DNMT3A: variants seen among roughly 807,000 people sequenced by gnomAD.
DNMT3A encodes the protein DNA methyltransferase 3 alpha.
Under a neutral mutation model 117.6 loss-of-function variants are expected in DNMT3A, and 267 were observed. The ratio of observed to expected loss-of-function variants is 2.27; its 90% confidence interval spans 2.05 to 2.51. The LOEUF (loss-of-function observed/expected upper bound fraction) is 2.51, where lower values mean the gene tolerates loss of function less well. Ranked by LOEUF, DNMT3A falls within the 30% of genes most tolerant of loss-of-function variation. The probability of loss-of-function intolerance (pLI) is 0.00; values close to 1 mark genes in which losing one functional copy is unlikely to be tolerated. For synonymous variants in DNMT3A, 432 were observed against 474.8 expected (o/e 0.91, Z 1.17); for missense variants, 1,029 against 1,260.2 (o/e 0.82, Z 2.78).
At chr2:25,262,854 G>C (rs1458750590) in intron 6 of DNMT3A, among the ~76,000 whole-genome samples, 1 of 152,128 alleles carries the variant, frequency 6.6e-6, no homozygotes, top group Non-Finnish European at 1.5e-5. Context: ...CTAGTTACCA[G>C]ATCTCTTACT....
chr2:25,313,990 C>A lies in DNMT3A; in HGVS notation c.-6G>T. Reference sequence around the variant, plus strand: ...CTGGAGGGCATGGCGGGCATCTGGGCGCCGGGAGGCAGGCTGGGGCTGCGC... The same window carrying A: ...CTGGAGGGCATGGCGGGCATCTGGGAGCCGGGAGGCAGGCTGGGGCTGCGC... On this transcript the variant is annotated 5_prime_UTR_variant, in exon 2 of 23. Transcript: ENST00000321117. 3 of 1,539,878 alleles carry A rather than the reference C, an allele frequency of 1.9e-6. No individual in the cohort carries two copies. The highest frequency in any genetic ancestry group is 2.6e-6 in the Non-Finnish European group (3 of 1,141,346).
At chr2:25,314,237 ACCTGG>A (rs1335520224) in intron 1 of DNMT3A, 76 bp from the exon 2 acceptor site, 21 of 1,358,570 alleles carry the variant, frequency 1.5e-5, no homozygotes, top group Middle Eastern at 2.7e-4. Context: ...CCAGGGCCAC[ACCTGG>A]CCTGTGAGGC....
At chr2:25,246,474 G>T in intron 10 of DNMT3A, 146 bp downstream of exon 10, 1 of 1,432,322 alleles carries the variant, frequency 7.0e-7, no homozygotes, top group Non-Finnish European at 9.4e-7. Context: ...TTCAAGTCCT[G>T]ACCCCAGGGC....
At chr2:25,299,051 G>A (rs955075837) in intron 3 of DNMT3A, among the ~76,000 whole-genome samples, 2 of 152,060 alleles carry the variant, frequency 1.3e-5, no homozygotes, top group Non-Finnish European at 2.9e-5. Context: ...TTGAAGGGCT[G>A]AGTAACAAAT....
chr2:25,305,708 GCA>G lies in DNMT3A; in HGVS notation c.73-5467_73-5466del, dbSNP rs372767375. Among the ~76,000 whole-genome samples the G allele has an allele frequency of 6.6e-6, 1 of 152,028 alleles. No individual in the cohort carries two copies. The highest frequency in any genetic ancestry group is 2.4e-5 in the African/African-American group (1 of 41,368). ...CCACTATACCCTACCATGTCAACAG[GCA>G]CACACACAGTGACACCATAAAGATA... On this transcript the variant is annotated intron_variant, in intron 2 of 22. Transcript: ENST00000321117. This position sits in a 1 kb window ranked among gnomAD's most constrained non-coding sequence, Gnocchi z 4.1.
intron 6 of DNMT3A, among the ~76,000 whole-genome samples, chr2:25,274,598 A>T (rs749967023): frequency 9.9e-5 from 15 of 152,096 alleles, no homozygotes; most frequent in Admixed American, 2.0e-4. Flanking sequence ...CTGAAATGCC[A>T]CCTCCTCCAA....
In DNMT3A at chr2:25,286,717, C is replaced by A. The variant is rs1339339526; in HGVS notation, c.178-4006G>T. Among the ~76,000 whole-genome samples the A allele has an allele frequency of 6.6e-6, 1 of 152,242 alleles. No homozygotes were observed. Among genetic ancestry groups the A allele is most frequent in the Non-Finnish European group, 1.5e-5 (1 of 68,046 alleles). On this transcript the variant is annotated intron_variant, in intron 3 of 22. Transcript: ENST00000321117. This position sits in a 1 kb window ranked among gnomAD's most constrained non-coding sequence, Gnocchi z 4.3. ...AAGGTCCCAGTCAAATGGCCTGAAG[C>A]AACTGTCCAAGTCTCTGGGGAAGAG...
At chr2:25,241,109 G>C (rs143258898) in intron 17 of DNMT3A, among the ~76,000 whole-genome samples, 149 of 152,300 alleles carry the variant, frequency 9.8e-4, no homozygotes, top group African/African-American at 3.4e-3. Context: ...CTGTAGTCAT[G>C]CTTAAGGGAA....
intron 12 of DNMT3A, 112 bp downstream of exon 12, chr2:25,245,908 G>A (rs959697410): frequency 5.3e-6 from 7 of 1,322,122 alleles, no homozygotes; most frequent in Middle Eastern, 2.6e-4. Context: ...AAGGTGGTGT[G>A]ACACGCAGGA....
chr2:25,288,210 G>A (rs1201697027), intron 3 of DNMT3A, among the ~76,000 whole-genome samples: 1 of 148,742 alleles, frequency 6.7e-6, no homozygotes, highest in Non-Finnish European at 1.5e-5. Flanking sequence ...TGAGGCGGGT[G>A]GATCATGAGG....
chr2:25,316,168 G>A (rs983564188), intron 1 of DNMT3A, among the ~76,000 whole-genome samples: 7 of 152,236 alleles, frequency 4.6e-5, no homozygotes, highest in Non-Finnish European at 7.3e-5. Flanking sequence ...GAAGCGGGGC[G>A]GGAGGGTTGT....
intron 6 of DNMT3A, among the ~76,000 whole-genome samples, chr2:25,264,132 G>GTTTTTTTTTGTTTTTT (rs2029960333): frequency 9.5e-5 from 7 of 73,740 alleles, no homozygotes; most frequent in Non-Finnish European, 1.2e-4. Context: ...CAACCCTTTG[G>GTTTTTTTTTGTTTTTT]TTTTTTTTTT....
chr2:25,266,035 G>A (rs1383654346), intron 6 of DNMT3A, among the ~76,000 whole-genome samples: 7 of 152,108 alleles, frequency 4.6e-5, no homozygotes, highest in Non-Finnish European at 7.4e-5. Context: ...AAAAAGTAGG[G>A]GTTGTTCTAA....
At chr2:25,284,900 C>T (rs2032185288) in intron 3 of DNMT3A, among the ~76,000 whole-genome samples, 1 of 152,022 alleles carries the variant, frequency 6.6e-6, no homozygotes, top group Admixed American at 6.6e-5. Context: ...GGGTATCATA[C>T]TAGTCGTAAT....
Position 25,241,548 on chromosome 2 carries a change from C to A in DNMT3A, c.2082+14G>T, listed in dbSNP as rs764997828. 11 of 1,608,354 alleles carry A rather than the reference C, an allele frequency of 6.8e-6. No homozygotes were observed. Among genetic ancestry groups the A allele is most frequent in the Non-Finnish European group, 9.3e-6 (11 of 1,177,500 alleles). ...GGAGGGGAAGACGGGCTGCGCCCCACAGCATGGACATACATGCTTCTGTGT... is the reference window on the plus strand; with the variant it reads ...GGAGGGGAAGACGGGCTGCGCCCCAAAGCATGGACATACATGCTTCTGTGT... On this transcript the variant is annotated intron_variant, in intron 17 of 22. Transcript: ENST00000321117.
intron 1 of DNMT3A, among the ~76,000 whole-genome samples, chr2:25,324,884 C>G (rs903590380): frequency 8.5e-5 from 13 of 152,200 alleles, no homozygotes; most frequent in African/African-American, 4.8e-5. Flanking sequence ...CCAAAAGCCA[C>G]TGGTGACAGG....
At chr2:25,264,714 C>T (rs574410424) in intron 6 of DNMT3A, among the ~76,000 whole-genome samples, 233 of 150,892 alleles carry the variant, frequency 1.5e-3, no homozygotes, top group Middle Eastern at 0.014. Flanking sequence ...CGCCTGCCTT[C>T]GCCTCCCAAA....
At chr2:25,288,604 C>T (rs2032505531) in intron 3 of DNMT3A, among the ~76,000 whole-genome samples, 2 of 152,158 alleles carry the variant, frequency 1.3e-5, no homozygotes, top group Admixed American at 1.3e-4. Context: ...GCCACTGTGC[C>T]CGGCCTAGAA....
In DNMT3A at chr2:25,284,472, T is replaced by C. The variant is rs141428595; in HGVS notation, c.178-1761A>G. Among the ~76,000 whole-genome samples, 512 of 151,594 alleles carry C rather than the reference T, an allele frequency of 3.4e-3. 2 individuals carry two copies. The highest frequency in any genetic ancestry group is 0.012 in the African/African-American group (499 of 41,344). Reference sequence around the variant, plus strand: ...GAGTTTGAGACCAGCCTGGCCAACATGGCAAAACCCTGTTTCTACTAAAAA... The same window carrying C: ...GAGTTTGAGACCAGCCTGGCCAACACGGCAAAACCCTGTTTCTACTAAAAA... On this transcript the variant is annotated intron_variant, in intron 3 of 22. Coordinates refer to ENST00000321117, the MANE Select transcript of DNMT3A (RefSeq NM_022552.5).
Sources: gnomAD v4.1 joint callset for allele counts (sites outside exome capture counted in the v4.1 genomes callset) on GRCh38, gnomAD v4.1.1 for gene constraint, Gnocchi (gnomAD v3.1) non-coding constraint, MANE v1.5 for transcripts, NCBI Gene and HGNC (gene_info 2026-07-23, HGNC 2026-07-21) for gene names.